Variants in GLIS3 observed in about 807,000 individuals in gnomAD.
The protein encoded by GLIS3 is zinc finger protein GLIS3.
GLIS3 carries 53 observed loss-of-function variants against 78.6 expected under a neutral mutation model. The observed-to-expected ratio is 0.67, with a 90% CI of 0.54 to 0.85. The LOEUF is 0.85. GLIS3 is among the 40% of genes least tolerant of loss of function. The pLI, the probability that GLIS3 is intolerant of heterozygous loss-of-function variation, is 0.00. For missense variants in GLIS3, 1,703 were observed against 1,231.1 expected, an observed-to-expected ratio of 1.38 and a Z score of -5.74; for synonymous variants, 684 against 509.9, an observed-to-expected ratio of 1.34 and a Z score of -4.60.
chr9:4,286,207 G>A lies in GLIS3; in HGVS notation c.219C>T (p.Asn73=), dbSNP rs764619575. The change falls in exon 2 of 11, where the codon AAC becomes AAT. Residue 73 remains asparagine (N), a synonymous_variant. Coordinates refer to ENST00000381971, the MANE Select transcript of GLIS3 (RefSeq NM_001042413.2). ...GCAGATGGATGCGGCTCTCAGCCAC[G>A]TTGTTCTGAGGAGCCATCCCTCCTC... ...PSGGGMAPQN[N]VAESRIHLPA... 5 of 1,614,214 alleles carry A rather than the reference G, an allele frequency of 3.1e-6. No homozygotes were observed. Among genetic ancestry groups the A allele is most frequent in the Non-Finnish European group, 4.2e-6 (5 of 1,180,044 alleles).
chr9:4,108,869 G>T (rs1296384869), intron 4 of GLIS3, among the ~76,000 whole-genome samples: 1 of 152,116 alleles, frequency 6.6e-6, no homozygotes, highest in Non-Finnish European at 1.5e-5. Context: ...CTTCAGCTGT[G>T]CTCTCCGGTC....
intron 4 of GLIS3, among the ~76,000 whole-genome samples, chr9:3,997,697 G>T (rs549701848): frequency 4.6e-5 from 7 of 151,634 alleles, no homozygotes; most frequent in South Asian, 4.2e-4. Flanking sequence ...AGCAAACTAA[G>T]CATAAAGGAA....
chr9:3,951,012 T>C (rs1816646238), intron 4 of GLIS3, among the ~76,000 whole-genome samples: 1 of 152,168 alleles, frequency 6.6e-6, no homozygotes, highest in East Asian at 1.9e-4. Context: ...GACCCTCAGG[T>C]CTGGAGACCA....
chr9:4,086,829 C>T (rs896253204), intron 4 of GLIS3, among the ~76,000 whole-genome samples: 1 of 152,186 alleles, frequency 6.6e-6, no homozygotes, highest in Non-Finnish European at 1.5e-5. Flanking sequence ...AGATTAATCT[C>T]TTTTTCCCCT....
intron 8 of GLIS3, among the ~76,000 whole-genome samples, chr9:3,862,370 A>T (rs1333724324): frequency 6.6e-6 from 1 of 152,216 alleles, no homozygotes; most frequent in Non-Finnish European, 1.5e-5. Context: ...AGTGTTGCTC[A>T]GTGTGCTTTG....
chr9:4,424,837 G>T, the GLIS3 span, among the ~76,000 whole-genome samples: 1 of 151,932 alleles, frequency 6.6e-6, no homozygotes, highest in Non-Finnish European at 1.5e-5. Context: ...TAGGATTAAA[G>T]GTGTGAGCCA....
At chr9:4,395,777 CTTT>C in the GLIS3 span, among the ~76,000 whole-genome samples, 1 of 127,710 alleles carries the variant, frequency 7.8e-6, no homozygotes, top group South Asian at 2.8e-4. Context: ...TTCTTTTTTT[CTTT>C]TTTTTTTTTT....
intron 4 of GLIS3, among the ~76,000 whole-genome samples, chr9:4,094,376 C>A (rs573587609): frequency 1.3e-5 from 2 of 152,192 alleles, no homozygotes; most frequent in African/African-American, 2.4e-5. Context: ...AATCTGCCAA[C>A]ATTTCCTCTG....
chr9:4,387,387 C>G, the GLIS3 span, among the ~76,000 whole-genome samples: 1 of 152,036 alleles, frequency 6.6e-6, no homozygotes, highest in Admixed American at 6.5e-5. Flanking sequence ...TCTCAGTTAC[C>G]ATCATTTTGG....
At chr9:4,418,690 G>A in the GLIS3 span, among the ~76,000 whole-genome samples, 4 of 151,878 alleles carry the variant, frequency 2.6e-5, no homozygotes, top group Non-Finnish European at 5.9e-5. Context: ...CAGAGCCAGA[G>A]TCCATCTCAA....
the GLIS3 span, among the ~76,000 whole-genome samples, chr9:4,435,393 C>A: frequency 6.6e-6 from 1 of 152,136 alleles, no homozygotes; most frequent in South Asian, 2.1e-4. Context: ...GCAGAGTTTC[C>A]GGGAGCTTAG....
At chr9:4,052,680 T>G (rs537808000) in intron 4 of GLIS3, among the ~76,000 whole-genome samples, 1 of 152,342 alleles carries the variant, frequency 6.6e-6, no homozygotes, top group African/African-American at 2.4e-5. Context: ...ATTCTAAAAT[T>G]TCACTATATG....
intron 2 of GLIS3, among the ~76,000 whole-genome samples, chr9:4,192,941 G>T (rs1308827545): frequency 6.6e-6 from 1 of 152,242 alleles, no homozygotes; most frequent in Non-Finnish European, 1.5e-5. Flanking sequence ...GATACTGCAA[G>T]GAGGTCAGCA....
intron 2 of GLIS3, among the ~76,000 whole-genome samples, chr9:4,222,970 C>T (rs1239505362): frequency 1.3e-5 from 2 of 152,174 alleles, no homozygotes; most frequent in African/African-American, 4.8e-5. Context: ...ACTCCTTTAA[C>T]TGTTGTTCCT....
chr9:4,058,726 A>G (rs530238620), intron 4 of GLIS3, among the ~76,000 whole-genome samples: 1 of 152,260 alleles, frequency 6.6e-6, no homozygotes, highest in East Asian at 1.9e-4. Flanking sequence ...CAAGCCTGTA[A>G]TCCCAGCACT....
chr9:4,120,684 G>A (rs1004606056), intron 3 of GLIS3, among the ~76,000 whole-genome samples: 2 of 152,136 alleles, frequency 1.3e-5, no homozygotes, highest in African/African-American at 2.4e-5. Context: ...CTTTACACCC[G>A]CAGGTTGAGA....
intron 2 of GLIS3, among the ~76,000 whole-genome samples, chr9:4,139,203 G>A (rs1045285843): frequency 1.3e-5 from 2 of 152,080 alleles, no homozygotes; most frequent in Non-Finnish European, 2.9e-5. Flanking sequence ...TTTTTCCCCT[G>A]CCCCAAGCCA....
the GLIS3 span, among the ~76,000 whole-genome samples, chr9:4,367,633 CAA>C: frequency 0.032 from 1,971 of 61,688 alleles, 16 homozygotes; most frequent in African/African-American, 0.092. Flanking sequence ...GACTCCATCT[CAA>C]AAAAAAAAAA....
chr9:4,255,390 T>C (rs928313297), intron 2 of GLIS3, among the ~76,000 whole-genome samples: 4 of 152,024 alleles, frequency 2.6e-5, no homozygotes, highest in Non-Finnish European at 5.9e-5. Flanking sequence ...AAAACTTAGG[T>C]CCACACACAA....
Sources: gnomAD v4.1 joint callset for allele counts (sites outside exome capture counted in the v4.1 genomes callset) on GRCh38, gnomAD v4.1.1 for gene constraint, MANE v1.5 for transcripts, NCBI Gene and HGNC (gene_info 2026-07-23, HGNC 2026-07-21) for gene names.